ZNF841: variants seen among roughly 807,000 people sequenced by gnomAD.
The protein encoded by ZNF841 is TCONS_00006091.
Under a neutral mutation model 13.0 loss-of-function variants are expected in ZNF841, and 11 were observed. The ratio of observed to expected loss-of-function variants is 0.85; its 90% confidence interval spans 0.53 to 1.40. ZNF841 has a LOEUF of 1.40. Among genes scored for constraint, ZNF841 ranks in the 40% most tolerant of loss-of-function variants. The pLI, the probability that ZNF841 is intolerant of heterozygous loss-of-function variation, is 0.00. For synonymous variants in ZNF841, 369 were observed against 381.6 expected (o/e 0.97, Z 0.38); for missense variants, 1,068 against 1,139.5 (o/e 0.94, Z 0.90).
At chr19:52,063,735 T>G (rs1007193495), downstream of ZNF841, 1 of 152,248 alleles carries the variant, frequency 6.6e-6, no homozygotes, top group African/African-American at 2.4e-5. Flanking sequence ...CATTTGGATG[T>G]TCGGGTAAAA....
At chr19:52,076,614 C>T (rs1263395247) in intron 5 of ZNF841, among the ~76,000 whole-genome samples, 1 of 147,848 alleles carries the variant, frequency 6.8e-6, no homozygotes, top group Non-Finnish European at 1.5e-5. Flanking sequence ...GATCACACCA[C>T]TGCACTCCAG....
intron 6 of ZNF841, among the ~76,000 whole-genome samples, chr19:52,071,997 G>A (rs772390488): frequency 1.3e-5 from 2 of 152,136 alleles, no homozygotes; most frequent in Non-Finnish European, 2.9e-5. Flanking sequence ...TGAACTGAAG[G>A]GATGAAAAAA....
intron 1 of ZNF841, 34 bp downstream of exon 1, chr19:52,095,541 T>G (rs2088641123): frequency 6.6e-6 from 1 of 152,274 alleles, no homozygotes; most frequent in Admixed American, 6.6e-5. Context: ...TCAGAGAGAT[T>G]TTAAACCGAA....
In ZNF841 at chr19:52,065,585, T is replaced by C; in HGVS notation, c.2297A>G (p.Lys766Arg). ...RRIHTGEKPYKCNECGKVFRY... is the reference protein window; with the variant it reads ...RRIHTGEKPYRCNECGKVFRY... ...GAAGACCTTGCCACATTCATTACATTTGTAAGGTTTCTCTCCAGTATGAAT... is the reference window on the plus strand; with the variant it reads ...GAAGACCTTGCCACATTCATTACATCTGTAAGGTTTCTCTCCAGTATGAAT... The change falls in exon 7 of 7, where the codon AAA becomes AGA. Residue 766 changes from lysine (K) to arginine (R), a missense_variant. Coordinates refer to ENST00000594440, the MANE Select transcript of ZNF841 (RefSeq NM_001136499.2). 6.2e-7 allele frequency: 1 copy of C among 1,613,814 alleles called. No individual in the cohort carries two copies. Among genetic ancestry groups the C allele is most frequent in the Non-Finnish European group, 8.5e-7 (1 of 1,179,848 alleles).
At chr19:52,081,616 C>T in intron 4 of ZNF841, among the ~76,000 whole-genome samples, 1 of 152,326 alleles carries the variant, frequency 6.6e-6, no homozygotes, top group East Asian at 1.9e-4. Context: ...ACTCTGGGAG[C>T]CCAAGATGGG....
At position 52,066,043 on chromosome 19, in the gene ZNF841, T is replaced by A. The variant is rs975235735; in HGVS notation, c.1839A>T (p.Ser613=). ...CTCCGGTATGACTTCGCCTATGAAT[T>A]GAAAGGTTTCCACTGTCAATGAAGA... is the stretch of plus-strand genomic sequence containing the variant. ...GKVFIDSGNL[S]IHRRSHTGEK... is the part of the protein sequence containing the mutation. The change falls in exon 7 of 7, where the codon TCA becomes TCT. Residue 613 remains serine, a synonymous_variant. Transcript: ENST00000594440. 2.5e-6 allele frequency: 4 copies of A among 1,613,790 alleles called. No individual in the cohort carries two copies. Among genetic ancestry groups the A allele is most frequent in the Non-Finnish European group, 1.7e-6 (2 of 1,179,884 alleles).
rs1294785327 is a variant in ZNF841 at position 52,066,464 on chromosome 19, G to C, written c.1418C>G (p.Ala473Gly). Residue 473 changes from alanine to glycine, a missense_variant, in exon 7 of 7, where the codon GCA becomes GGA. By Grantham distance (60) the Ala-to-Gly change is moderately conservative (BLOSUM62 0). Coordinates refer to ENST00000594440, the MANE Select transcript of ZNF841 (RefSeq NM_001136499.2). Reference sequence around the variant, plus strand: ...TCCAGTATGAATTCTCCGGTGCCCTGCAAGACGTGAACGTTGAAAGAAGAC... The same window carrying C: ...TCCAGTATGAATTCTCCGGTGCCCTCCAAGACGTGAACGTTGAAAGAAGAC... ...GKVFFQRSRL[A>G]GHRRIHTGEK... The C allele has an allele frequency of 6.2e-7, 1 of 1,613,676 alleles. No individual in the cohort carries two copies. The highest frequency in any genetic ancestry group is 8.5e-7 in the Non-Finnish European group (1 of 1,179,922).
At chr19:52,061,487 C>T (rs2087395661), downstream of ZNF841, among the ~76,000 whole-genome samples, 1 of 151,910 alleles carries the variant, frequency 6.6e-6, no homozygotes. Context: ...CAGAACCCAC[C>T]CCCACCACCA....
downstream of ZNF841, among the ~76,000 whole-genome samples, chr19:52,062,169 T>C (rs1004036404): frequency 6.6e-6 from 1 of 152,166 alleles, no homozygotes; most frequent in Non-Finnish European, 1.5e-5. Context: ...GTTGACCTTA[T>C]TACTATTGCA....
At chr19:52,062,555 C>G (rs1180238636), downstream of ZNF841, among the ~76,000 whole-genome samples, 2 of 152,154 alleles carry the variant, frequency 1.3e-5, no homozygotes, top group African/African-American at 4.8e-5. Flanking sequence ...AGCAGGCCCT[C>G]TCACCTTACT....
intron 2 of ZNF841, among the ~76,000 whole-genome samples, chr19:52,089,225 G>A (rs1158403868): frequency 6.6e-6 from 1 of 152,182 alleles, no homozygotes; most frequent in South Asian, 2.1e-4. Flanking sequence ...TCTAAAGCTG[G>A]AGAGTTTGAT....
chr19:52,069,662 C>T (rs953970346), intron 6 of ZNF841, among the ~76,000 whole-genome samples: 1 of 152,082 alleles, frequency 6.6e-6, no homozygotes, highest in African/African-American at 2.4e-5. Context: ...TTAGCAGAAA[C>T]GTGAAAAAGC....
chr19:52,088,039 CAAAAA>C (rs201567770), intron 3 of ZNF841, among the ~76,000 whole-genome samples: 19,480 of 121,482 alleles, frequency 0.16, 1,454 homozygotes, highest in South Asian at 0.34. Flanking sequence ...CAAAATACTC[CAAAAA>C]AAAAAAAAAA....
the ZNF841 span, chr19:52,058,573 T>A: frequency 1.3e-5 from 2 of 152,294 alleles, no homozygotes; most frequent in African/African-American, 2.4e-5. Context: ...AATTTCCTCA[T>A]GCTAAAAACC....
the ZNF841 span, among the ~76,000 whole-genome samples, chr19:52,059,370 A>AAAAAAAAAATATAT: frequency 4.3e-5 from 3 of 69,654 alleles, no homozygotes; most frequent in African/African-American, 2.5e-4. Context: ...AAAAAAAAAA[A>AAAAAAAAAATATAT]ATATATATAT....
chr19:52,089,134 T>C (rs560463028), intron 2 of ZNF841, 132 bp from the exon 3 acceptor site: 2 of 152,278 alleles, frequency 1.3e-5, no homozygotes, highest in East Asian at 1.9e-4. Flanking sequence ...AAAATCACTA[T>C]AATGAAGGCA....
chr19:52,085,140 C>G (rs1414630819), intron 3 of ZNF841, among the ~76,000 whole-genome samples: 3 of 152,176 alleles, frequency 2.0e-5, no homozygotes, highest in Non-Finnish European at 4.4e-5. Flanking sequence ...AGGACACAGA[C>G]CCATCCCTGA....
chr19:52,084,182 A>C (rs1360186362), intron 4 of ZNF841, among the ~76,000 whole-genome samples: 1 of 152,078 alleles, frequency 6.6e-6, no homozygotes, highest in Admixed American at 6.5e-5. Context: ...AGAATGGCTA[A>C]ATTAATCTGA....
intron 4 of ZNF841, among the ~76,000 whole-genome samples, chr19:52,083,680 T>C (rs2088173653): frequency 6.6e-6 from 1 of 152,076 alleles, no homozygotes; most frequent in Non-Finnish European, 1.5e-5. Flanking sequence ...TTATGAAGGG[T>C]GTTCTTGATG....
Sources: gnomAD v4.1 joint callset for allele counts (sites outside exome capture counted in the v4.1 genomes callset) on GRCh38, gnomAD v4.1.1 for gene constraint, MANE v1.5 for transcripts, NCBI Gene and HGNC (gene_info 2026-07-23, HGNC 2026-07-21) for gene names.